IFIH1: variants seen among roughly 807,000 people sequenced by gnomAD.
The protein encoded by IFIH1 is interferon induced with helicase C domain 1.
A neutral mutation model predicts 107.4 loss-of-function variants in IFIH1; 125 were observed. The ratio of observed to expected loss-of-function variants is 1.16; its 90% confidence interval spans 1.01 to 1.35. The LOEUF is 1.35. IFIH1 is among the 40% of genes most tolerant of loss of function. The pLI, the probability that IFIH1 is intolerant of heterozygous loss-of-function variation, is 0.00. For missense variants in IFIH1, 1,333 were observed against 1,213.7 expected (o/e 1.10, Z -1.46); for synonymous variants, 458 against 413.2 (o/e 1.11, Z -1.31).
At chr2:162,277,017 A>G (rs1682685107) in intron 10 of IFIH1, 71 bp from the exon 11 acceptor site, 1 of 1,110,388 alleles carries the variant, frequency 9.0e-7, no homozygotes, top group African/African-American at 1.6e-5. Flanking sequence ...CAGATATATC[A>G]AACATTTTGT....
intron 5 of IFIH1, among the ~76,000 whole-genome samples, chr2:162,282,908 C>T (rs1028344987): frequency 6.6e-6 from 1 of 150,480 alleles, no homozygotes; most frequent in Non-Finnish European, 1.5e-5. Context: ...CACCTAGAAA[C>T]ACACACAAAG....
chr2:162,282,880 A>G (rs772568474), intron 5 of IFIH1, among the ~76,000 whole-genome samples: 6 of 151,832 alleles, frequency 4.0e-5, no homozygotes, highest in Non-Finnish European at 8.8e-5. Context: ...AATTATTACA[A>G]CACAATGTAA....
Position 162,280,055 on chromosome 2 carries a change from G to GT in IFIH1, c.1581dup (p.Leu528ThrfsTer24). On this transcript the variant is annotated frameshift_variant, in exon 8 of 16. Coordinates refer to ENST00000649979, the MANE Select transcript of IFIH1 (RefSeq NM_022168.4). LOFTEE classifies it high-confidence loss of function. ...CATGGCTCCTGTATTTGGTTTTTCA[G>GT]TTGATCAAGGTTTTCTTTAACAGTT... 2 of 1,611,178 alleles carry GT rather than the reference G, an allele frequency of 1.2e-6. No individual in the cohort carries two copies. Among genetic ancestry groups the GT allele is most frequent in the African/African-American group, 2.7e-5 (2 of 74,912 alleles).
chr2:162,267,324 C>G lies in IFIH1; in HGVS notation c.2954G>C (p.Arg985Thr), dbSNP rs755586435. The G allele has an allele frequency of 6.2e-7, 1 of 1,612,530 alleles. No homozygotes were observed. The highest frequency in any genetic ancestry group is 2.2e-5 in the East Asian group (1 of 44,868). Residue 985 changes from arginine (R) to threonine (T), a missense_variant, in exon 16 of 16, where the codon AGG (arginine) becomes ACG (threonine). Coordinates refer to ENST00000649979, the MANE Select transcript of IFIH1 (RefSeq NM_022168.4). ...ATTTTTGAAAACCACTACAAAATTC[C>G]TTATTTTGAGACAAGGCAAATCTAA... Reference protein sequence around the residue: ...KGLDLPCLKIRNFVVVFKNNS... With the variant: ...KGLDLPCLKITNFVVVFKNNS...
intron 13 of IFIH1, among the ~76,000 whole-genome samples, chr2:162,271,650 T>C (rs1249053101): frequency 6.6e-6 from 1 of 152,168 alleles, no homozygotes; most frequent in Non-Finnish European, 1.5e-5. Flanking sequence ...CAAGAAAGTA[T>C]CCATCTAGTC....
At position 162,276,942 on chromosome 2, in the gene IFIH1, GT is replaced by G; in HGVS notation, c.2048del (p.Asn683ThrfsTer5). 1 of 1,594,674 alleles carries G rather than the reference GT, an allele frequency of 6.3e-7. No homozygotes were observed. The highest frequency in any genetic ancestry group is 8.5e-7 in the Non-Finnish European group (1 of 1,172,870). Reference protein sequence around the residue: ...DRFLMTLFFENNKMLKRLAEN... With the variant: ...DRFLMTLFFEXNKMLKRLAEN... The stretch of plus-strand genomic sequence containing the variant: ...CAGCCAGCCTTTTCAACATTTTATT[GT>G]TTTCTTTAAGAAATAATTAGAGTTG... On this transcript the variant is annotated frameshift_variant, in exon 11 of 16. Coordinates refer to ENST00000649979, the MANE Select transcript of IFIH1 (RefSeq NM_022168.4). LOFTEE classifies it high-confidence loss of function.
intron 8 of IFIH1, among the ~76,000 whole-genome samples, 174 bp from the exon 9 acceptor site, chr2:162,278,502 T>C (rs1481160203): frequency 6.6e-6 from 1 of 152,152 alleles, no homozygotes; most frequent in Non-Finnish European, 1.5e-5. Flanking sequence ...GCTTCTCTTT[T>C]AAGCCTGCCA....
chr2:162,276,305 T>C (rs1224176072), intron 11 of IFIH1, among the ~76,000 whole-genome samples: 1 of 152,108 alleles, frequency 6.6e-6, no homozygotes, highest in East Asian at 1.9e-4. Flanking sequence ...AATAACAGCA[T>C]AAGAAAAGAA....
rs765784766 is a variant in IFIH1, at chr2:162,272,347, A to G, written c.2495T>C (p.Leu832Pro). The G allele has an allele frequency of 6.2e-7, 1 of 1,613,378 alleles. No individual in the cohort carries two copies. The highest frequency in any genetic ancestry group is 2.2e-5 in the East Asian group (1 of 44,854). Residue 832 changes from leucine to proline, a missense_variant, in exon 13 of 16, where the codon CTG (leucine) becomes CCG (proline). Physicochemically the swap from Leu to Pro is moderately conservative, Grantham distance 98. Transcript: ENST00000649979. ...RARADESTYVLVAHSGSGVIE... is the reference protein window; with the variant it reads ...RARADESTYVPVAHSGSGVIE... ...AACTCCTGAACCACTGTGAGCAACCAGGACGTAGGTGCTCTCATCAGCTCT... is the reference window on the plus strand; with the variant it reads ...AACTCCTGAACCACTGTGAGCAACCGGGACGTAGGTGCTCTCATCAGCTCT...
chr2:162,306,255 G>T (rs1226683181), intron 3 of IFIH1, among the ~76,000 whole-genome samples: 1 of 152,168 alleles, frequency 6.6e-6, no homozygotes, highest in Non-Finnish European at 1.5e-5. Flanking sequence ...TTCAGCATCT[G>T]TTCATCTTCC....
chr2:162,306,331 C>T (rs1242689582), intron 3 of IFIH1, among the ~76,000 whole-genome samples: 1 of 151,848 alleles, frequency 6.6e-6, no homozygotes, highest in Admixed American at 6.6e-5. Context: ...CCAGTTTAAA[C>T]CAGAGAAAAA....
intron 3 of IFIH1, among the ~76,000 whole-genome samples, chr2:162,303,266 C>A (rs1037149486): frequency 3.9e-5 from 6 of 152,168 alleles, no homozygotes; most frequent in African/African-American, 1.4e-4. Context: ...AGGCATCTGC[C>A]ACCATGCTCG....
Position 162,310,758 on chromosome 2 carries a change from C to T in IFIH1, c.622+7G>A. On this transcript the variant is annotated splice_region_variant and intron_variant, in intron 2 of 15. Coordinates refer to ENST00000649979, the MANE Select transcript of IFIH1 (RefSeq NM_022168.4). ...TGAAGAATCTTCCTCAGTAAAATTA[C>T]AAATACCTGCATTGCTTTCTGAGCA... The T allele has an allele frequency of 1.2e-6, 2 of 1,611,372 alleles. No homozygotes were observed. The highest frequency in any genetic ancestry group is 8.5e-7 in the Non-Finnish European group (1 of 1,177,946).
intron 11 of IFIH1, among the ~76,000 whole-genome samples, chr2:162,276,134 G>GA (rs986786779): frequency 5.3e-5 from 8 of 152,080 alleles, no homozygotes; most frequent in African/African-American, 1.9e-4. Context: ...TATTATGTGG[G>GA]AAAAATGACT....
intron 8 of IFIH1, among the ~76,000 whole-genome samples, chr2:162,278,723 C>A (rs983246152): frequency 6.6e-6 from 1 of 152,114 alleles, no homozygotes; most frequent in East Asian, 1.9e-4. Context: ...AGTATTATTT[C>A]GACCAAAATA....
intron 13 of IFIH1, among the ~76,000 whole-genome samples, chr2:162,268,974 A>G (rs1353953741): frequency 1.4e-5 from 2 of 142,768 alleles, no homozygotes; most frequent in Non-Finnish European, 2.9e-5. Flanking sequence ...TTATTACATT[A>G]CCAAGTCTTC....
chr2:162,274,589 A>C (rs1691114983), intron 11 of IFIH1, among the ~76,000 whole-genome samples: 1 of 152,164 alleles, frequency 6.6e-6, no homozygotes, highest in African/African-American at 2.4e-5. Context: ...GGACAATATA[A>C]ATAAAAATGA....
At chr2:162,278,175 AACT>A in intron 9 of IFIH1, 27 bp downstream of exon 9, 2 of 1,582,004 alleles carry the variant, frequency 1.3e-6, no homozygotes, top group Admixed American at 3.8e-5. Flanking sequence ...ACATGGGATA[AACT>A]AAGTGTTAGG....
chr2:162,282,335 T>A, intron 6 of IFIH1, 31 bp downstream of exon 6: 3 of 1,420,116 alleles, frequency 2.1e-6, no homozygotes, highest in African/African-American at 1.8e-5. Flanking sequence ...TTACTATTAA[T>A]TTTTTTAAAA....
Sources: allele counts gnomAD v4.1 joint callset (sites outside exome capture counted in the v4.1 genomes callset), GRCh38; gene constraint gnomAD v4.1.1; transcripts MANE v1.5; gene names NCBI Gene and HGNC (gene_info 2026-07-23, HGNC 2026-07-21).